Variants in XKR6 observed in about 807,000 individuals in gnomAD.
XKR6 encodes the protein XK related 6, also known as XK-related protein 6.
A neutral mutation model predicts 56.7 loss-of-function variants in XKR6; 22 were observed. The observed-to-expected ratio is 0.39, with a 90% confidence interval of 0.28 to 0.55. The LOEUF (loss-of-function observed/expected upper bound fraction) is 0.55, where lower values mean the gene tolerates loss of function less well. Among genes scored for constraint, XKR6 ranks in the 20% least tolerant of loss-of-function variants. XKR6 has a pLI of 0.66. For synonymous variants in XKR6, 524 were observed against 387.8 expected (o/e 1.35, Z -4.13); for missense variants, 852 against 889.0 (o/e 0.96, Z 0.53).
At chr8:11,029,749 C>T (rs1207235149) in intron 1 of XKR6, among the ~76,000 whole-genome samples, 1 of 152,102 alleles carries the variant, frequency 6.6e-6, no homozygotes, top group African/African-American at 2.4e-5. Context: ...AGTGCCATTT[C>T]CACTTGCCCT....
At chr8:10,957,887 T>C (rs1028079368) in intron 1 of XKR6, among the ~76,000 whole-genome samples, 2 of 151,624 alleles carry the variant, frequency 1.3e-5, no homozygotes, top group Admixed American at 1.3e-4. Flanking sequence ...CTAAAAATGA[T>C]CCCCAATGTG....
At chr8:11,026,416 A>G (rs1220031919) in intron 1 of XKR6, among the ~76,000 whole-genome samples, 1 of 150,154 alleles carries the variant, frequency 6.7e-6, no homozygotes, top group Non-Finnish European at 1.5e-5. Flanking sequence ...CTACACACCT[A>G]GATGGTCTAG....
At chr8:10,914,668 T>C (rs1289824760) in intron 2 of XKR6, among the ~76,000 whole-genome samples, 1 of 152,168 alleles carries the variant, frequency 6.6e-6, no homozygotes, top group Non-Finnish European at 1.5e-5. Context: ...CAGTCTCCCT[T>C]GCAGCATCCT....
chr8:11,121,735 C>A (rs1799465535), intron 1 of XKR6, among the ~76,000 whole-genome samples: 1 of 152,192 alleles, frequency 6.6e-6, no homozygotes, highest in Admixed American at 6.5e-5. Flanking sequence ...CACATGCACA[C>A]ATATGTTTAT....
chr8:10,900,837 G>C (rs1800015254), intron 2 of XKR6, among the ~76,000 whole-genome samples: 1 of 147,992 alleles, frequency 6.8e-6, no homozygotes. Context: ...ATTTCTGGAG[G>C]GCAGAGGATG....
intron 1 of XKR6, among the ~76,000 whole-genome samples, chr8:11,162,152 G>A (rs534208039): frequency 7.2e-5 from 11 of 152,318 alleles, no homozygotes; most frequent in Non-Finnish European, 1.5e-4. Context: ...GTAAAAGGAA[G>A]CCAAATGTTT....
intron 1 of XKR6, among the ~76,000 whole-genome samples, chr8:11,121,766 C>T (rs1479844226): frequency 6.6e-6 from 1 of 152,168 alleles, no homozygotes; most frequent in Non-Finnish European, 1.5e-5. Flanking sequence ...TTCACTATAG[C>T]AAAGACTTGG....
intron 1 of XKR6, among the ~76,000 whole-genome samples, chr8:11,068,576 T>C (rs1469559684): frequency 1.3e-5 from 2 of 152,120 alleles, no homozygotes; most frequent in East Asian, 3.9e-4. Context: ...AGAAAGCTAC[T>C]GCTTCAGGCA....
In XKR6 at chr8:11,200,201, G is replaced by C. The variant is rs1014354563; in HGVS notation, c.764+375C>G. Among the ~76,000 whole-genome samples the C allele has an allele frequency of 6.6e-6, 1 of 152,236 alleles. No individual in the cohort carries two copies. Among genetic ancestry groups the C allele is most frequent in the African/African-American group, 2.4e-5 (1 of 41,464 alleles). On this transcript the variant is annotated intron_variant, in intron 1 of 2. Coordinates refer to ENST00000416569, the MANE Select transcript of XKR6 (RefSeq NM_173683.4). The surrounding 1 kb of genome is among the most constrained non-coding windows in gnomAD (Gnocchi z 6.4). Reference sequence around the variant, plus strand: ...CGAATGCAGCGGCTGGAGGAGGGAAGGCTCCCCGGGGCCGCGAGCTGGGGT... The same window carrying C: ...CGAATGCAGCGGCTGGAGGAGGGAACGCTCCCCGGGGCCGCGAGCTGGGGT...
intron 1 of XKR6, among the ~76,000 whole-genome samples, chr8:10,989,216 G>T (rs975322694): frequency 1.3e-5 from 2 of 152,218 alleles, no homozygotes; most frequent in South Asian, 2.1e-4. Flanking sequence ...TTGAATAAAA[G>T]ACCTATTTGC....
intron 1 of XKR6, among the ~76,000 whole-genome samples, chr8:10,942,362 T>A (rs1801409132): frequency 1.3e-5 from 2 of 152,228 alleles, no homozygotes; most frequent in Non-Finnish European, 2.9e-5. Flanking sequence ...TCTATACAGA[T>A]ACGTGTGGAC....
At chr8:11,114,727 ATGTG>A (rs58011023) in intron 1 of XKR6, among the ~76,000 whole-genome samples, 12,332 of 118,224 alleles carry the variant, frequency 0.1, 640 homozygotes, top group South Asian at 0.16. Context: ...TAGATCACAT[ATGTG>A]TGTGTGTGTG....
intron 1 of XKR6, among the ~76,000 whole-genome samples, chr8:11,163,326 T>A (rs1369955933): frequency 1.3e-5 from 2 of 152,222 alleles, no homozygotes; most frequent in African/African-American, 4.8e-5. Context: ...CAAGTATATT[T>A]CTATTTGCAT....
chr8:11,025,050 G>T (rs1051583751), intron 1 of XKR6, among the ~76,000 whole-genome samples: 2 of 152,236 alleles, frequency 1.3e-5, no homozygotes, highest in Non-Finnish European at 2.9e-5. Context: ...GAGCAGTGAT[G>T]GGAACAAGGG....
intron 1 of XKR6, among the ~76,000 whole-genome samples, chr8:10,941,316 C>T (rs574801673): frequency 1.3e-5 from 2 of 152,310 alleles, no homozygotes; most frequent in East Asian, 1.9e-4. Flanking sequence ...ACCACAACCA[C>T]ATAAAGTGAT....
chr8:10,926,556 C>T (rs1366882001), intron 1 of XKR6, among the ~76,000 whole-genome samples: 1 of 152,230 alleles, frequency 6.6e-6, no homozygotes, highest in African/African-American at 2.4e-5. Context: ...GCTGGCATTG[C>T]AATGATGGCC....
chr8:10,973,555 C>A (rs2129134595), intron 1 of XKR6, among the ~76,000 whole-genome samples: 1 of 152,192 alleles, frequency 6.6e-6, no homozygotes, highest in East Asian at 1.9e-4. Flanking sequence ...GGCTACTGAT[C>A]TTTCTTTCTT....
chr8:10,983,616 C>G (rs531579507), intron 1 of XKR6, among the ~76,000 whole-genome samples: 4 of 152,004 alleles, frequency 2.6e-5, no homozygotes, highest in African/African-American at 9.6e-5. Flanking sequence ...ACTATTTAAA[C>G]TGTTCAAGAC....
At chr8:11,095,380 G>A (rs1029050811) in intron 1 of XKR6, among the ~76,000 whole-genome samples, 4 of 152,180 alleles carry the variant, frequency 2.6e-5, no homozygotes, top group African/African-American at 7.2e-5. Flanking sequence ...GAAGCTACTT[G>A]CTGTAGTGTT....
Sources: gnomAD v4.1 joint callset for allele counts (sites outside exome capture counted in the v4.1 genomes callset) on GRCh38, gnomAD v4.1.1 for gene constraint, Gnocchi (gnomAD v3.1) non-coding constraint, MANE v1.5 for transcripts, NCBI Gene and HGNC (gene_info 2026-07-23, HGNC 2026-07-21) for gene names.